Variants in ADAM23 observed in about 807,000 individuals in gnomAD.
ADAM23 encodes the protein ADAM metallopeptidase domain 23, also known as disintegrin and metalloproteinase domain-containing protein 23.
ADAM23 carries 33 observed loss-of-function variants against 120.1 expected under a neutral mutation model. That is an observed-to-expected ratio of 0.27 (90% CI 0.21 to 0.37). ADAM23 has a LOEUF of 0.37. Among genes scored for constraint, ADAM23 ranks in the 10% least tolerant of loss-of-function variants. The pLI is 1.00. For missense variants in ADAM23, 862 were observed against 1,058.2 expected (o/e 0.81, Z 2.57); for synonymous variants, 367 against 375.2 (o/e 0.98, Z 0.25).
rs1698999352 is a variant in ADAM23 at position 206,619,371 on chromosome 2, A to G, written c.*1744A>G. The G allele has an allele frequency of 6.6e-6, 1 of 152,094 alleles. No individual in the cohort carries two copies. Among genetic ancestry groups the G allele is most frequent in the African/African-American group, 2.4e-5 (1 of 41,422 alleles). The allele number at this position is 152,094 out of a possible 1,614,324, so 9.4% of individuals were successfully genotyped here. A position where few individuals can be genotyped will look rare whatever the true frequency, so the allele number is the denominator to read the frequency against. On this transcript the variant is annotated 3_prime_UTR_variant, in exon 26 of 26. Transcript: ENST00000264377. ...ATATGGTCAAGATAGCTTCTGTCAC[A>G]TGTTAAGTAAATAAGCTGAAGAAAT...
chr2:206,564,889 A>T, intron 13 of ADAM23, 131 bp from the exon 14 acceptor site: 1 of 931,444 alleles, frequency 1.1e-6, no homozygotes, highest in Non-Finnish European at 1.7e-6. Context: ...GTAAGACTTC[A>T]CATTCCGTGT....
At chr2:206,560,909 G>A (rs1046737732) in intron 11 of ADAM23, among the ~76,000 whole-genome samples, 1 of 152,164 alleles carries the variant, frequency 6.6e-6, no homozygotes, top group Non-Finnish European at 1.5e-5. Flanking sequence ...AGTACATGAT[G>A]CTTAGTAGGT....
intron 15 of ADAM23, among the ~76,000 whole-genome samples, chr2:206,568,550 C>T (rs1269768268): frequency 1.3e-5 from 2 of 152,196 alleles, no homozygotes; most frequent in African/African-American, 4.8e-5. Flanking sequence ...TAAACTTCAG[C>T]AAAGCTGGAA....
intron 15 of ADAM23, among the ~76,000 whole-genome samples, chr2:206,568,967 C>G (rs1046499484): frequency 4.6e-5 from 7 of 152,166 alleles, no homozygotes; most frequent in East Asian, 1.9e-4. Flanking sequence ...ACAGGACTTT[C>G]AAAGTGACCT....
chr2:206,547,998 T>C (rs1697433952), intron 7 of ADAM23, among the ~76,000 whole-genome samples: 1 of 109,088 alleles, frequency 9.2e-6, no homozygotes, highest in South Asian at 3.0e-4. Context: ...GAATTAGACA[T>C]AGTAGAACTC....
chr2:206,519,001 A>G (rs765679763), intron 3 of ADAM23, among the ~76,000 whole-genome samples: 13 of 152,262 alleles, frequency 8.5e-5, no homozygotes, highest in Admixed American at 3.3e-4. Context: ...GATGATGACA[A>G]TCATACTCAT....
In ADAM23 at chr2:206,477,889, A is replaced by ATATATATATATATAT. The variant is rs371133867; in HGVS notation, c.433-3343_433-3342insTATATATATATATAT. On this transcript the variant is annotated intron_variant, in intron 2 of 25. Coordinates refer to ENST00000264377, the MANE Select transcript of ADAM23 (RefSeq NM_003812.4). ...CAAGCCAATATTCTGTTAAAAAAAAAAAAAAAAAATATATATATATATATA... is the reference window on the plus strand; with the variant it reads ...CAAGCCAATATTCTGTTAAAAAAAAATATATATATATATATAAAAAAAAATATATATATATATATA... Among the ~76,000 whole-genome samples the ATATATATATATATAT allele has an allele frequency of 1.7e-4, 9 of 54,500 alleles. No individual in the cohort carries two copies. In the South Asian group the frequency reaches 1.8e-3, roughly 11 times the overall value. The allele number at this position is 54,500 out of a possible 152,430, so 35.8% of individuals were successfully genotyped here. A position where few individuals can be genotyped will look rare whatever the true frequency, so the allele number is the denominator to read the frequency against.
At chr2:206,501,553 C>T (rs1696387602) in intron 3 of ADAM23, among the ~76,000 whole-genome samples, 1 of 152,056 alleles carries the variant, frequency 6.6e-6, no homozygotes, top group African/African-American at 2.4e-5. Context: ...GAATACAGAT[C>T]ATTTTCCAAG....
intron 3 of ADAM23, among the ~76,000 whole-genome samples, chr2:206,513,940 T>A (rs2105784759): frequency 6.6e-6 from 1 of 152,346 alleles, no homozygotes; most frequent in East Asian, 1.9e-4. Flanking sequence ...CAATATGGTT[T>A]ACTGAATATT....
chr2:206,617,622 A>C lies in ADAM23; in HGVS notation c.2494A>C (p.Ile832Leu). Reference sequence around the variant, plus strand: ...GTTCGATCCTACTCAGCAAGGCCCCATCTGAATCAGCTGCGCTGGATGGAC... The same window carrying C: ...GTTCGATCCTACTCAGCAAGGCCCCCTCTGAATCAGCTGCGCTGGATGGAC... ...RRFDPTQQGP[I>L] The change falls in exon 26 of 26, where the codon ATC (isoleucine) becomes CTC (leucine). Residue 832 changes from isoleucine to leucine, a missense_variant. This residue lies in a region of ADAM23 where 16 missense variants were observed against 17.6 expected (regional missense o/e 0.91). Coordinates refer to ENST00000264377, the MANE Select transcript of ADAM23 (RefSeq NM_003812.4). 1 of 1,613,310 alleles carries C rather than the reference A, an allele frequency of 6.2e-7. No homozygotes were observed. The highest frequency in any genetic ancestry group is 8.5e-7 in the Non-Finnish European group (1 of 1,179,592).
chr2:206,592,502 G>A (rs1698443536), intron 21 of ADAM23, 115 bp from the exon 22 acceptor site: 2 of 1,306,118 alleles, frequency 1.5e-6, no homozygotes, highest in African/African-American at 1.5e-5. Flanking sequence ...AAATGTTTTT[G>A]TTTAGAAAGA....
At chr2:206,466,511 T>C (rs1238389285) in intron 2 of ADAM23, among the ~76,000 whole-genome samples, 1 of 152,222 alleles carries the variant, frequency 6.6e-6, no homozygotes, top group Non-Finnish European at 1.5e-5. Flanking sequence ...AGACAGTAAG[T>C]TATCCACAGA....
intron 25 of ADAM23, among the ~76,000 whole-genome samples, chr2:206,611,994 A>G (rs956045866): frequency 6.6e-6 from 1 of 152,266 alleles, no homozygotes; most frequent in African/African-American, 2.4e-5. Flanking sequence ...TGTGCCCTGT[A>G]ACTCTGATAA....
chr2:206,595,998 A>T, intron 23 of ADAM23, 53 bp from the exon 24 acceptor site: 1 of 1,388,910 alleles, frequency 7.2e-7, no homozygotes, highest in Non-Finnish European at 1.0e-6. Flanking sequence ...ATTTATCACT[A>T]TTATTCTACA....
chr2:206,524,799 C>T (rs1202014754), intron 3 of ADAM23, among the ~76,000 whole-genome samples: 1 of 152,154 alleles, frequency 6.6e-6, no homozygotes, highest in Admixed American at 6.6e-5. Flanking sequence ...ATTATGGGAG[C>T]TACAATTCAA....
chr2:206,603,156 A>C (rs1372330240), intron 24 of ADAM23, among the ~76,000 whole-genome samples: 1 of 152,190 alleles, frequency 6.6e-6, no homozygotes, highest in East Asian at 1.9e-4. Flanking sequence ...TTAATGAATA[A>C]ATTACAGAAT....
intron 14 of ADAM23, 58 bp downstream of exon 14, chr2:206,565,126 A>C: frequency 6.5e-7 from 1 of 1,540,166 alleles, no homozygotes; most frequent in Non-Finnish European, 9.0e-7. Flanking sequence ...TGCTGTGTAG[A>C]GTTAGAAACA....
intron 17 of ADAM23, among the ~76,000 whole-genome samples, chr2:206,572,506 T>C (rs1353626434): frequency 6.6e-6 from 1 of 152,168 alleles, no homozygotes; most frequent in African/African-American, 2.4e-5. Context: ...TATTTAGAAG[T>C]TTCTAGCTTA....
At chr2:206,547,317 G>T in intron 6 of ADAM23, 112 bp from the exon 7 acceptor site, 2 of 759,570 alleles carry the variant, frequency 2.6e-6, no homozygotes, top group South Asian at 2.5e-5. Flanking sequence ...CTAAAAAACT[G>T]ACATATAAAT....
Sources: allele counts gnomAD v4.1 joint callset (sites outside exome capture counted in the v4.1 genomes callset), GRCh38; gene constraint gnomAD v4.1.1; regional missense constraint gnomAD v4.1.1; transcripts MANE v1.5; gene names NCBI Gene and HGNC (gene_info 2026-07-23, HGNC 2026-07-21).